The following RAP1GAP variants were observed in gnomAD, a reference collection of about 807,000 sequenced individuals.
The protein encoded by RAP1GAP is RAP1 GTPase activating protein, also known as rap1 GTPase-activating protein 1.
Under a neutral mutation model 87.2 loss-of-function variants are expected in RAP1GAP, and 35 were observed. That is an observed-to-expected ratio of 0.40 (90% CI 0.31 to 0.53). The LOEUF (loss-of-function observed/expected upper bound fraction) is 0.53. Among genes scored for constraint, RAP1GAP ranks in the 20% least tolerant of loss-of-function variants. The probability of loss-of-function intolerance (pLI) is 0.48; values close to 1 mark genes in which losing one functional copy is unlikely to be tolerated. For missense variants in RAP1GAP, 734 were observed against 898.9 expected (o/e 0.82, Z 2.35); for synonymous variants, 375 against 363.9 (o/e 1.03, Z -0.35).
intron 2 of RAP1GAP, among the ~76,000 whole-genome samples, chr1:21,639,277 G>T (rs1218657956): frequency 6.6e-6 from 1 of 152,206 alleles, no homozygotes; most frequent in African/African-American, 2.4e-5. Context: ...CCCAGCCCAG[G>T]CCCTTCCCTG....
intron 2 of RAP1GAP, among the ~76,000 whole-genome samples, chr1:21,626,774 G>A (rs1570934569): frequency 6.6e-6 from 1 of 152,206 alleles, no homozygotes; most frequent in Non-Finnish European, 1.5e-5. Context: ...GCCTCTGGGA[G>A]TAGCCGCCTT....
At position 21,634,802 on chromosome 1, in the gene RAP1GAP, C is replaced by A; in HGVS notation, c.-112-8405G>T. 2.3e-6 allele frequency: 1 copy of A among 438,604 alleles called. No individual in the cohort carries two copies. The highest frequency in any genetic ancestry group is 4.7e-6 in the Non-Finnish European group (1 of 213,428). 27.2% of individuals were successfully genotyped at this position (438,604 alleles called of 1,614,324 possible). On this transcript the variant is annotated intron_variant, in intron 2 of 24. Transcript: ENST00000374765. The surrounding 1 kb of genome is among the most constrained non-coding windows in gnomAD (Gnocchi z 4.1). ...CATCTGTCTCCCTTGCTCAGGTGGCCTGAGCCCCACTGTGGCCAAAACCTG... is the reference window on the plus strand; with the variant it reads ...CATCTGTCTCCCTTGCTCAGGTGGCATGAGCCCCACTGTGGCCAAAACCTG...
At chr1:21,608,985 A>C (rs1446554779) in intron 15 of RAP1GAP, 49 bp from the exon 16 acceptor site, 1 of 1,511,478 alleles carries the variant, frequency 6.6e-7, no homozygotes, top group Admixed American at 1.7e-5. Flanking sequence ...TTGAGATGAC[A>C]CATAAACAAG....
intron 1 of RAP1GAP, among the ~76,000 whole-genome samples, chr1:21,657,918 C>T (rs1310790846): frequency 1.3e-5 from 2 of 152,192 alleles, no homozygotes; most frequent in Non-Finnish European, 2.9e-5. Flanking sequence ...CTCTCCACCC[C>T]GACAAGGCCC....
intron 2 of RAP1GAP, among the ~76,000 whole-genome samples, chr1:21,641,951 G>A (rs1001645840): frequency 3.9e-5 from 6 of 152,206 alleles, no homozygotes; most frequent in Non-Finnish European, 8.8e-5. Context: ...GTCAGAAACA[G>A]CTGCATTGTT....
chr1:21,622,578 G>A lies in RAP1GAP; in HGVS notation c.-18-2528C>T, dbSNP rs562878806. 2 of 146,724 alleles carry A rather than the reference G, an allele frequency of 1.4e-5. No homozygotes were observed. Among genetic ancestry groups the A allele is most frequent in the African/African-American group, 4.9e-5 (2 of 40,994 alleles). The allele number at this position is 146,724 out of a possible 1,614,324, so 9.1% of individuals were successfully genotyped here. A position where few individuals can be genotyped will look rare whatever the true frequency, so the allele number is the denominator to read the frequency against. ...ATGGGCTCGCCCCACGGCGGGGCCC[G>A]GAGGGGGCGGGGCGCCAGGTACGGG... On this transcript the variant is annotated intron_variant, in intron 3 of 24. Coordinates refer to ENST00000374765, the MANE Select transcript of RAP1GAP (RefSeq NM_002885.4). This position sits in a 1 kb window ranked among gnomAD's most constrained non-coding sequence, Gnocchi z 5.7.
At chr1:21,599,121 G>A (rs1350007098) in intron 21 of RAP1GAP, among the ~76,000 whole-genome samples, 1 of 152,248 alleles carries the variant, frequency 6.6e-6, no homozygotes, top group African/African-American at 2.4e-5. Context: ...AAGAAAGGAG[G>A]AGGCGGCAGG....
chr1:21,612,285 C>T (rs1202559851), intron 10 of RAP1GAP, among the ~76,000 whole-genome samples, 176 bp from the exon 11 acceptor site: 6 of 152,158 alleles, frequency 3.9e-5, no homozygotes, highest in African/African-American at 1.2e-4. Flanking sequence ...GGTTCAGAGA[C>T]CTTAAGTGAC....
intron 1 of RAP1GAP, among the ~76,000 whole-genome samples, chr1:21,650,605 C>T (rs550557336): frequency 2.0e-5 from 3 of 152,164 alleles, no homozygotes; most frequent in Non-Finnish European, 1.5e-5. Context: ...GGACGTCCTC[C>T]GCAGGGCAGG....
chr1:21,656,524 C>G (rs1335947411), intron 1 of RAP1GAP, among the ~76,000 whole-genome samples: 2 of 150,854 alleles, frequency 1.3e-5, no homozygotes, highest in Non-Finnish European at 3.0e-5. Flanking sequence ...ATTATCCTTA[C>G]TTTGCCTGTG....
At chr1:21,638,372 G>C (rs528952818) in intron 2 of RAP1GAP, among the ~76,000 whole-genome samples, 2 of 150,812 alleles carry the variant, frequency 1.3e-5, no homozygotes, top group African/African-American at 2.4e-5. Context: ...CAGGAGAATC[G>C]CTTGAACCCA....
In RAP1GAP at chr1:21,668,833, TG is replaced by T. The variant is rs945648214; in HGVS notation, c.-149+420del. Among the ~76,000 whole-genome samples, 34 of 151,814 alleles carry T rather than the reference TG, an allele frequency of 2.2e-4. No individual in the cohort carries two copies. Among genetic ancestry groups the T allele is most frequent in the African/African-American group, 8.2e-4 (34 of 41,412 alleles). On this transcript the variant is annotated intron_variant, in intron 1 of 24. Transcript: ENST00000374765. This position sits in a 1 kb window ranked among gnomAD's most constrained non-coding sequence, Gnocchi z 6.2. ...CTCTGAGGACAGGAGCGCCACCCTCTGGGGGGCGCTAGGGCTTGGGCCCCTC... is the reference window on the plus strand; with the variant it reads ...CTCTGAGGACAGGAGCGCCACCCTCTGGGGGCGCTAGGGCTTGGGCCCCTC...
chr1:21,619,000 G>T, intron 5 of RAP1GAP, 25 bp downstream of exon 5: 1 of 1,584,572 alleles, frequency 6.3e-7, no homozygotes, highest in East Asian at 2.3e-5. Flanking sequence ...CCTAGAGAGG[G>T]AGGCAGACTG....
intron 1 of RAP1GAP, among the ~76,000 whole-genome samples, chr1:21,650,742 A>C (rs1169193788): frequency 1.3e-5 from 2 of 152,186 alleles, no homozygotes; most frequent in African/African-American, 4.8e-5. Context: ...TTGGCTGGCC[A>C]GGAAGCTCAG....
At chr1:21,644,823 C>T (rs911267515) in intron 2 of RAP1GAP, among the ~76,000 whole-genome samples, 88 of 150,664 alleles carry the variant, frequency 5.8e-4, no homozygotes, top group African/African-American at 2.1e-3. Flanking sequence ...ATTGCTTGAA[C>T]CACGGAGGTG....
rs2085726707 is a variant in RAP1GAP, at chr1:21,620,019, A to G, written c.14T>C (p.Met5Thr). The G allele has an allele frequency of 2.5e-6, 4 of 1,613,792 alleles. No homozygotes were observed. Among genetic ancestry groups the G allele is most frequent in the Non-Finnish European group, 3.4e-6 (4 of 1,179,924 alleles). Reference sequence around the variant, plus strand: ...AGGCCACAGAGCCATCCTCACCTGCATCTTCTCAATCATCTCAAATAGATC... The same window carrying G: ...AGGCCACAGAGCCATCCTCACCTGCGTCTTCTCAATCATCTCAAATAGATC... MIEK[M>T]QGSRMDEQRC... The change falls in exon 4 of 25, where the codon ATG (methionine) becomes ACG (threonine). Residue 5 changes from methionine (M) to threonine (T), a missense_variant. Transcript: ENST00000374765.
rs1342851333 is a variant in RAP1GAP, at chr1:21,669,263, T to C, written c.-158A>G. ...GGCGGGGCGCACTCACCCAAGGGCC[T>C]GGGCCGGGGGCGTCCTGGGCTCGGC... On this transcript the variant is annotated 5_prime_UTR_variant, in exon 1 of 25. Coordinates refer to ENST00000374765, the MANE Select transcript of RAP1GAP (RefSeq NM_002885.4). The surrounding 1 kb of genome is among the most constrained non-coding windows in gnomAD (Gnocchi z 5.6). 4.8e-6 allele frequency: 6 copies of C among 1,238,744 alleles called. No homozygotes were observed. The highest frequency in any genetic ancestry group is 6.2e-6 in the Non-Finnish European group (6 of 968,124). 76.7% of individuals were successfully genotyped at this position (1,238,744 alleles called of 1,614,324 possible).
intron 2 of RAP1GAP, among the ~76,000 whole-genome samples, chr1:21,641,369 C>G (rs2095509416): frequency 6.6e-6 from 1 of 152,172 alleles, no homozygotes; most frequent in Admixed American, 6.5e-5. Context: ...TTTACATTTT[C>G]TCTACCCTCT....
rs756178757 is a variant in RAP1GAP at position 21,612,126 on chromosome 1, C to T, written c.529-17G>A. 1.8e-5 allele frequency: 28 copies of T among 1,535,548 alleles called. No individual in the cohort carries two copies. Among genetic ancestry groups the T allele is most frequent in the African/African-American group, 1.2e-4 (9 of 72,684 alleles). ...CCGGGAAGCCTGCAGGAGAGGACGCCGGGTGAAGAGGCTGCGTGTGCAAGC... is the reference window on the plus strand; with the variant it reads ...CCGGGAAGCCTGCAGGAGAGGACGCTGGGTGAAGAGGCTGCGTGTGCAAGC... On this transcript the variant is annotated splice_polypyrimidine_tract_variant and intron_variant, in intron 10 of 24. Transcript: ENST00000374765.
Sources: gnomAD v4.1 joint callset for allele counts (sites outside exome capture counted in the v4.1 genomes callset) on GRCh38, gnomAD v4.1.1 for gene constraint, Gnocchi (gnomAD v3.1) non-coding constraint, MANE v1.5 for transcripts, NCBI Gene and HGNC (gene_info 2026-07-23, HGNC 2026-07-21) for gene names.